TMPRSS12: variants seen among roughly 807,000 people sequenced by gnomAD.
TMPRSS12 encodes the protein transmembrane serine protease 12.
In TMPRSS12, 25 loss-of-function variants were observed where a neutral mutation model predicts 26.0. That is an observed-to-expected ratio of 0.96 (90% confidence interval 0.70 to 1.34). The LOEUF (loss-of-function observed/expected upper bound fraction) is 1.34, where lower values mean the gene tolerates loss of function less well. Among genes scored for constraint, TMPRSS12 ranks in the 40% most tolerant of loss-of-function variants. The pLI is 0.00. For missense variants in TMPRSS12, 441 were observed against 440.1 expected, an observed-to-expected ratio of 1.00 and a Z score of -0.02; for synonymous variants, 150 against 161.7, an observed-to-expected ratio of 0.93 and a Z score of 0.55.
At chr12:50,855,429 C>T (rs1937866522) in intron 2 of TMPRSS12, among the ~76,000 whole-genome samples, 1 of 152,086 alleles carries the variant, frequency 6.6e-6, no homozygotes, top group Admixed American at 6.5e-5. Flanking sequence ...AAAAGACATA[C>T]ATATGGCCAA....
chr12:50,855,219 A>G lies in TMPRSS12; in HGVS notation c.384-3566A>G, dbSNP rs1937864150. On this transcript the variant is annotated intron_variant, in intron 2 of 4. Coordinates refer to ENST00000398458, the MANE Select transcript of TMPRSS12 (RefSeq NM_182559.3). ...ATTGCAACAAAAACAAAAATTGACA[A>G]GTGGAACCTAATAAAACTAAAGAGC... is the stretch of plus-strand genomic sequence containing the variant. Among the ~76,000 whole-genome samples, 6 of 152,200 alleles carry G rather than the reference A, an allele frequency of 3.9e-5. No homozygotes were observed. The South Asian group carries it at 1.2e-3, about 31-fold the overall frequency.
chr12:50,853,235 A>G (rs1937843566), intron 2 of TMPRSS12, among the ~76,000 whole-genome samples: 1 of 152,210 alleles, frequency 6.6e-6, no homozygotes, highest in African/African-American at 2.4e-5. Context: ...TTTCGGGTAA[A>G]TGCTGAAATT....
chr12:50,870,336 A>AT (rs1195021148), intron 3 of TMPRSS12, among the ~76,000 whole-genome samples: 278 of 13,998 alleles, frequency 0.02, no homozygotes, highest in Admixed American at 0.029. Flanking sequence ...CATACACAGA[A>AT]TTAAAAAAAA....
chr12:50,859,131 C>T (rs547581250), intron 3 of TMPRSS12, 78 bp downstream of exon 3: 57 of 1,275,260 alleles, frequency 4.5e-5, no homozygotes, highest in Non-Finnish European at 5.6e-5. Flanking sequence ...TATATACATT[C>T]ATGTGCCACA....
At chr12:50,872,724 GTATATATGTACATATATATACGTC>G (rs1565935857) in intron 3 of TMPRSS12, among the ~76,000 whole-genome samples, 9 of 94,828 alleles carry the variant, frequency 9.5e-5, no homozygotes, top group Non-Finnish European at 1.5e-4. Context: ...TATATATGAC[GTATATATGTACATATATATACGTC>G]TATATATGTA....
Position 50,843,062 on chromosome 12 carries a change from C to T in TMPRSS12, c.98C>T (p.Pro33Leu). 1.3e-6 allele frequency: 2 copies of T among 1,596,136 alleles called. No individual in the cohort carries two copies. Among genetic ancestry groups the T allele is most frequent in the East Asian group, 2.3e-5 (1 of 44,094 alleles). Residue 33 changes from proline (P) to leucine (L), a missense_variant, in exon 1 of 5, where the codon CCC (proline) becomes CTC (leucine). Coordinates refer to ENST00000398458, the MANE Select transcript of TMPRSS12 (RefSeq NM_182559.3). ...YSPSGRHRLG[P>L]SPEPAASSQQ... is the part of the protein sequence containing the mutation. Reference sequence around the variant, plus strand: ...CCCTCTGGAAGGCACAGGCTCGGCCCCTCGCCGGAACCGGCGGCTAGTTCC... The same window carrying T: ...CCCTCTGGAAGGCACAGGCTCGGCCTCTCGCCGGAACCGGCGGCTAGTTCC...
intron 2 of TMPRSS12, among the ~76,000 whole-genome samples, chr12:50,846,638 G>T (rs905184682): frequency 6.6e-6 from 1 of 152,052 alleles, no homozygotes; most frequent in Admixed American, 6.5e-5. Flanking sequence ...GCATGCAGTG[G>T]CATGATCTCA....
intron 3 of TMPRSS12, 35 bp from the exon 4 acceptor site, chr12:50,885,211 C>A: frequency 6.5e-7 from 1 of 1,544,254 alleles, no homozygotes; most frequent in Admixed American, 2.1e-5. Flanking sequence ...AAAATGTCTG[C>A]TCCAAGATAA....
intron 2 of TMPRSS12, among the ~76,000 whole-genome samples, chr12:50,852,993 A>G (rs1000777256): frequency 1.3e-5 from 2 of 152,200 alleles, no homozygotes; most frequent in Non-Finnish European, 2.9e-5. Context: ...ATAGCTATCT[A>G]CAGACACTCC....
At chr12:50,873,247 C>G (rs929295214) in intron 3 of TMPRSS12, among the ~76,000 whole-genome samples, 2 of 152,048 alleles carry the variant, frequency 1.3e-5, no homozygotes, top group Admixed American at 6.6e-5. Context: ...GTATACTTCT[C>G]AGGTGATGGT....
At chr12:50,859,941 G>A (rs1051042806) in intron 3 of TMPRSS12, among the ~76,000 whole-genome samples, 2 of 152,220 alleles carry the variant, frequency 1.3e-5, no homozygotes, top group African/African-American at 4.8e-5. Flanking sequence ...TATGCCATGA[G>A]ATTGAAAAGT....
rs149737868 is a variant in TMPRSS12 at position 50,887,782 on chromosome 12, ATATTT to A, written c.*273_*277del. The A allele has an allele frequency of 0.064, 17,033 of 266,808 alleles. 644 individuals are homozygous for A. The highest frequency in any genetic ancestry group is 0.11 in the Middle Eastern group (95 of 828). The allele number at this position is 266,808 out of a possible 1,614,324, so 16.5% of individuals were successfully genotyped here. ...TTGTACAAAATATTCAGTTAAACAT[ATATTT>A]TATGTGTATAAATGCCAAATAATAG... On this transcript the variant is annotated 3_prime_UTR_variant, in exon 5 of 5. Coordinates refer to ENST00000398458, the MANE Select transcript of TMPRSS12 (RefSeq NM_182559.3).
chr12:50,859,076 T>G, intron 3 of TMPRSS12, 23 bp downstream of exon 3: 2 of 1,534,640 alleles, frequency 1.3e-6, no homozygotes, highest in Non-Finnish European at 1.7e-6. Context: ...TGAATTTTAC[T>G]GATACACATT....
intron 3 of TMPRSS12, among the ~76,000 whole-genome samples, chr12:50,880,039 CAAAA>C (rs947230269): frequency 6.6e-6 from 1 of 151,894 alleles, no homozygotes; most frequent in Non-Finnish European, 1.5e-5. Flanking sequence ...TTTGCAGAAA[CAAAA>C]AAGATTTGAA....
At chr12:50,847,508 C>T (rs966743041) in intron 2 of TMPRSS12, among the ~76,000 whole-genome samples, 1 of 151,396 alleles carries the variant, frequency 6.6e-6, no homozygotes, top group Non-Finnish European at 1.5e-5. Context: ...GAGGGAGTTT[C>T]GCTCTTGTTG....
intron 2 of TMPRSS12, among the ~76,000 whole-genome samples, chr12:50,853,511 A>G (rs1461124148): frequency 6.6e-6 from 1 of 151,478 alleles, no homozygotes; most frequent in Non-Finnish European, 1.5e-5. Flanking sequence ...AAAAAAACAT[A>G]CAAAAGATCA....
At chr12:50,887,103 A>G (rs1480972367) in intron 4 of TMPRSS12, 159 bp from the exon 5 acceptor site, 2 of 739,412 alleles carry the variant, frequency 2.7e-6, no homozygotes, top group Non-Finnish European at 4.1e-6. Flanking sequence ...TTTGAGTTGG[A>G]AGTTTAAGCT....
At chr12:50,886,460 T>G (rs1938227497) in intron 4 of TMPRSS12, 1 of 152,196 alleles carries the variant, frequency 6.6e-6, no homozygotes, top group Non-Finnish European at 1.5e-5. Flanking sequence ...CAATCTAAAG[T>G]TTATCTTTTC....
chr12:50,869,933 ATTAGCTGGGCATGG>A (rs2139730503), intron 3 of TMPRSS12, among the ~76,000 whole-genome samples: 1 of 152,276 alleles, frequency 6.6e-6, no homozygotes, highest in Admixed American at 6.5e-5. Flanking sequence ...AATTAGAAAA[ATTAGCTGGGCATGG>A]TTGCAGGCGC....
Sources: gnomAD v4.1 joint callset for allele counts (sites outside exome capture counted in the v4.1 genomes callset) on GRCh38, gnomAD v4.1.1 for gene constraint, MANE v1.5 for transcripts, NCBI Gene and HGNC (gene_info 2026-07-23, HGNC 2026-07-21) for gene names.